Variants in PCDHGA8 observed in about 807,000 individuals in gnomAD.
The protein encoded by PCDHGA8 is protocadherin gamma-A8.
Under a neutral mutation model 59.2 loss-of-function variants are expected in PCDHGA8, and 45 were observed. The ratio of observed to expected loss-of-function variants is 0.76; its 90% CI spans 0.60 to 0.98. PCDHGA8 has a LOEUF of 0.98. Among genes scored for constraint, PCDHGA8 ranks in the 50% least tolerant of loss-of-function variants. PCDHGA8 has a pLI of 0.00. For missense variants in PCDHGA8, 1,257 were observed against 1,196.2 expected (o/e 1.05, Z -0.75); for synonymous variants, 531 against 519.0 (o/e 1.02, Z -0.32).
chr5:141,410,843 C>CTTTTTAT, intron 1 of PCDHGA8: 1 of 216,280 alleles, frequency 4.6e-6, no homozygotes. Context: ...GATATTTTGT[C>CTTTTTAT]TTTGTCTTTT....
chr5:141,432,452 C>G lies in PCDHGA8; in HGVS notation c.2424+37215C>G. The G allele has an allele frequency of 6.2e-7, 1 of 1,614,212 alleles. No individual in the cohort carries two copies. The highest frequency in any genetic ancestry group is 8.5e-7 in the Non-Finnish European group (1 of 1,180,042). On this transcript the variant is annotated intron_variant, in intron 1 of 3. Coordinates refer to ENST00000398604, the MANE Select transcript of PCDHGA8 (RefSeq NM_032088.2). The surrounding 1 kb of genome is among the most constrained non-coding windows in gnomAD (Gnocchi z 6.0). ...CGACAATGCGCCCGAGATCCTGTACCCCGCCCTCCCCACGGACGGTTCCAC... is the reference window on the plus strand; with the variant it reads ...CGACAATGCGCCCGAGATCCTGTACGCCGCCCTCCCCACGGACGGTTCCAC...
At chr5:141,405,240 C>G (rs2094630274) in intron 1 of PCDHGA8, 4 of 1,614,136 alleles carry the variant, frequency 2.5e-6, no homozygotes, top group African/African-American at 2.7e-5. Context: ...ACCGCTGACT[C>G]AAGGAAGAGT....
intron 3 of PCDHGA8, among the ~76,000 whole-genome samples, chr5:141,507,809 C>T (rs866898784): frequency 2.0e-5 from 3 of 152,206 alleles, no homozygotes; most frequent in Non-Finnish European, 2.9e-5. Flanking sequence ...CCCTGGGGAA[C>T]GGACCCTGGG....
intron 1 of PCDHGA8, among the ~76,000 whole-genome samples, chr5:141,457,465 A>G (rs915755113): frequency 1.3e-5 from 2 of 152,194 alleles, no homozygotes; most frequent in African/African-American, 2.4e-5. Context: ...GATTCACAGG[A>G]ATAAGCAGGG....
chr5:141,494,937 G>C (rs759078748), intron 2 of PCDHGA8, 72 bp downstream of exon 2: 1 of 1,612,276 alleles, frequency 6.2e-7, no homozygotes, highest in African/African-American at 1.3e-5. Flanking sequence ...GAGGAGATGG[G>C]GGAGGGCCCA....
chr5:141,418,875 A>G (rs2097697666), intron 1 of PCDHGA8: 1 of 1,613,926 alleles, frequency 6.2e-7, no homozygotes, highest in African/African-American at 1.3e-5. Flanking sequence ...GAAGTTGTAG[A>G]CGAAAACGAC....
chr5:141,477,808 C>T lies in PCDHGA8; in HGVS notation c.2425-16999C>T, dbSNP rs750186099. 2.5e-6 allele frequency: 4 copies of T among 1,613,994 alleles called. No individual in the cohort carries two copies. In the African/African-American group the frequency reaches 4.0e-5, roughly 16 times the overall value. On this transcript the variant is annotated intron_variant, in intron 1 of 3. Coordinates refer to ENST00000398604, the MANE Select transcript of PCDHGA8 (RefSeq NM_032088.2). The surrounding 1 kb of genome is among the most constrained non-coding windows in gnomAD (Gnocchi z 4.9). ...TTGTCACTGATCGCAATGACAATGC[C>T]CCCCAGGTCCTATATCCTCGGCCAG...
Position 141,476,966 on chromosome 5 carries a change from G to T in PCDHGA8, c.2425-17841G>T, listed in dbSNP as rs780645226. The T allele has an allele frequency of 6.2e-7, 1 of 1,614,152 alleles. No homozygotes were observed. Among genetic ancestry groups the T allele is most frequent in the Admixed American group, 1.7e-5 (1 of 60,032 alleles). On this transcript the variant is annotated intron_variant, in intron 1 of 3. Coordinates refer to ENST00000398604, the MANE Select transcript of PCDHGA8 (RefSeq NM_032088.2). The surrounding 1 kb of genome is among the most constrained non-coding windows in gnomAD (Gnocchi z 7.6). Reference sequence around the variant, plus strand: ...CAACGGTGAAATTATTTACTCCTTCGGCAGCCACAACCGCGCCGGCGTGCG... The same window carrying T: ...CAACGGTGAAATTATTTACTCCTTCTGCAGCCACAACCGCGCCGGCGTGCG...
rs1226463441 is a variant in PCDHGA8, at chr5:141,432,906, T to A, written c.2424+37669T>A. 6.2e-7 allele frequency: 1 copy of A among 1,614,176 alleles called. No individual in the cohort carries two copies. The highest frequency in any genetic ancestry group is 8.5e-7 in the Non-Finnish European group (1 of 1,180,002). ...GTCATCTTGCTGCTGGCGCTCAGGC[T>A]GCGGCGCTGGCACAAGTCACGCCTG... On this transcript the variant is annotated intron_variant, in intron 1 of 3. Coordinates refer to ENST00000398604, the MANE Select transcript of PCDHGA8 (RefSeq NM_032088.2). The surrounding 1 kb of genome is among the most constrained non-coding windows in gnomAD (Gnocchi z 6.0).
At position 141,432,643 on chromosome 5, in the gene PCDHGA8, G is replaced by A. The variant is rs2097523971; in HGVS notation, c.2424+37406G>A. 15 of 1,613,754 alleles carry A rather than the reference G, an allele frequency of 9.3e-6. No homozygotes were observed. Among genetic ancestry groups the A allele is most frequent in the East Asian group, 4.5e-5 (2 of 44,860 alleles). ...GTCTGCACACGGGCGAGGTGCGCAC[G>A]GCGCGAGCCCTGCTGGACAGAGACG... On this transcript the variant is annotated intron_variant, in intron 1 of 3. Coordinates refer to ENST00000398604, the MANE Select transcript of PCDHGA8 (RefSeq NM_032088.2). This position sits in a 1 kb window ranked among gnomAD's most constrained non-coding sequence, Gnocchi z 6.0.
At chr5:141,484,872 G>T in intron 1 of PCDHGA8, 1 of 319,608 alleles carries the variant, frequency 3.1e-6, no homozygotes, top group Non-Finnish European at 5.8e-6. Context: ...GGAGCGTGGA[G>T]GATAGGGTGG....
chr5:141,408,295 G>A (rs1185231517), intron 1 of PCDHGA8: 8 of 1,613,700 alleles, frequency 5.0e-6, no homozygotes, highest in East Asian at 2.2e-5. Flanking sequence ...CCCTGAGTGA[G>A]CCGATCCGCT....
chr5:141,477,432 C>T lies in PCDHGA8; in HGVS notation c.2425-17375C>T, dbSNP rs1184041591. 6.2e-7 allele frequency: 1 copy of T among 1,614,186 alleles called. No individual in the cohort carries two copies. Among genetic ancestry groups the T allele is most frequent in the Admixed American group, 1.7e-5 (1 of 60,028 alleles). ...GACGCCGGAACCCCTTCCCTCTCAG[C>T]CCTTACAATAGTGCGTGTTCAAGTG... On this transcript the variant is annotated intron_variant, in intron 1 of 3. Transcript: ENST00000398604. This position sits in a 1 kb window ranked among gnomAD's most constrained non-coding sequence, Gnocchi z 4.9.
chr5:141,400,699 A>G (rs1040547233), intron 1 of PCDHGA8: 1 of 733,556 alleles, frequency 1.4e-6, no homozygotes, highest in Non-Finnish European at 2.2e-6. Flanking sequence ...TATGTCGCAT[A>G]AAAGAAGTAG....
At chr5:141,430,021 T>C (rs2097257368) in intron 1 of PCDHGA8, among the ~76,000 whole-genome samples, 1 of 152,226 alleles carries the variant, frequency 6.6e-6, no homozygotes, top group Admixed American at 6.5e-5. Context: ...TGGGTTCTTG[T>C]TAAGTGTGAT....
rs759272109 is a variant in PCDHGA8, at chr5:141,420,170, G to A, written c.2424+24933G>A. ...TCCAGAATTTAATTTTTTCACATCTGTTGATCATTGTCCAGCCACACAAGA... is the reference window on the plus strand; with the variant it reads ...TCCAGAATTTAATTTTTTCACATCTATTGATCATTGTCCAGCCACACAAGA... On this transcript the variant is annotated intron_variant, in intron 1 of 3. Coordinates refer to ENST00000398604, the MANE Select transcript of PCDHGA8 (RefSeq NM_032088.2). 22 of 1,613,846 alleles carry A rather than the reference G, an allele frequency of 1.4e-5. No homozygotes were observed. Among genetic ancestry groups the A allele is most frequent in the Non-Finnish European group, 1.8e-5 (21 of 1,179,888 alleles).
At chr5:141,413,820 C>T in intron 1 of PCDHGA8, 1 of 1,613,204 alleles carries the variant, frequency 6.2e-7, no homozygotes, top group Non-Finnish European at 8.5e-7. Flanking sequence ...ACCACCTGGT[C>T]CTCACCGCCT....
At chr5:141,482,956 CCAGCTACTTGAG>C (rs6149271) in intron 1 of PCDHGA8, among the ~76,000 whole-genome samples, 62,216 of 151,640 alleles carry the variant, frequency 0.41, 15,336 homozygotes, top group African/African-American at 0.7. Context: ...GCCTGTAATT[CCAGCTACTTGAG>C]CAGCTACTTG....
In PCDHGA8 at chr5:141,398,692, A is replaced by G. The variant is rs150385715; in HGVS notation, c.2424+3455A>G. 1.9e-3 allele frequency: 3,041 copies of G among 1,613,942 alleles called. 6 individuals carry two copies. Among genetic ancestry groups the G allele is most frequent in the Non-Finnish European group, 2.3e-3 (2,760 of 1,179,898 alleles). On this transcript the variant is annotated intron_variant, in intron 1 of 3. Coordinates refer to ENST00000398604, the MANE Select transcript of PCDHGA8 (RefSeq NM_032088.2). The stretch of plus-strand genomic sequence containing the variant: ...AATAATTAAGGAGAAACAGGATGGT[A>G]GTAAATACCCGGAACTGGCACTGGA...
Sources: gnomAD v4.1 joint callset for allele counts (sites outside exome capture counted in the v4.1 genomes callset) on GRCh38, gnomAD v4.1.1 for gene constraint, Gnocchi (gnomAD v3.1) non-coding constraint, MANE v1.5 for transcripts, NCBI Gene and HGNC (gene_info 2026-07-23, HGNC 2026-07-21) for gene names.